FARS2: variants seen among roughly 807,000 people sequenced by gnomAD.
The protein encoded by FARS2 is phenylalanyl-tRNA synthetase 2, mitochondrial, also known as phenylalanine--tRNA ligase, mitochondrial.
FARS2 carries 40 observed loss-of-function variants against 46.4 expected under a neutral mutation model. The observed-to-expected ratio is 0.86, with a 90% CI of 0.67 to 1.12. FARS2 has a LOEUF of 1.12. FARS2 is among the 50% of genes most tolerant of loss of function. The probability of loss-of-function intolerance (pLI) is 0.00; values close to 1 mark genes in which losing one functional copy is unlikely to be tolerated. For synonymous variants in FARS2, 234 were observed against 214.9 expected (o/e 1.09, Z -0.78); for missense variants, 513 against 567.9 (o/e 0.90, Z 0.98).
At chr6:5,537,612 A>G (rs550510056) in intron 4 of FARS2, among the ~76,000 whole-genome samples, 6 of 151,446 alleles carry the variant, frequency 4.0e-5, no homozygotes, top group Non-Finnish European at 8.9e-5. Context: ...CGAGTTGGAG[A>G]TGTCCCGGGC....
At chr6:5,564,337 C>T (rs1298310944) in intron 5 of FARS2, among the ~76,000 whole-genome samples, 2 of 152,200 alleles carry the variant, frequency 1.3e-5, no homozygotes, top group East Asian at 3.9e-4. Flanking sequence ...GGGCACCTTA[C>T]TCACTTTCAT....
At chr6:5,504,613 C>T (rs1767999922) in intron 4 of FARS2, among the ~76,000 whole-genome samples, 1 of 152,000 alleles carries the variant, frequency 6.6e-6, no homozygotes, top group Admixed American at 6.6e-5. Flanking sequence ...AAGGAAGAGA[C>T]AAAAATTACT....
chr6:5,590,436 G>A (rs1238835635), intron 5 of FARS2, among the ~76,000 whole-genome samples: 1 of 152,222 alleles, frequency 6.6e-6, no homozygotes, highest in Non-Finnish European at 1.5e-5. Context: ...CACAGTTACT[G>A]AGGTCATAGC....
chr6:5,318,403 A>C (rs1486554726), intron 1 of FARS2, among the ~76,000 whole-genome samples: 1 of 150,936 alleles, frequency 6.6e-6, no homozygotes, highest in Admixed American at 6.6e-5. Context: ...AAAAAAAAAA[A>C]AAAACCCTAC....
At chr6:5,452,649 A>G (rs1220380286) in intron 4 of FARS2, 2 of 152,136 alleles carry the variant, frequency 1.3e-5, no homozygotes, top group East Asian at 1.9e-4. Context: ...TATTTATTGA[A>G]TGTTTGGATG....
intron 6 of FARS2, among the ~76,000 whole-genome samples, chr6:5,653,158 A>G (rs1394168351): frequency 6.6e-6 from 1 of 152,230 alleles, no homozygotes; most frequent in African/African-American, 2.4e-5. Flanking sequence ...AAGTGTTTAT[A>G]TATTGATAAA....
chr6:5,261,012 C>T (rs1271472106), upstream of FARS2: 6 of 1,053,340 alleles, frequency 5.7e-6, no homozygotes, highest in Non-Finnish European at 7.0e-6. Context: ...ATCCCGCCCC[C>T]GCCCGGAGGC....
chr6:5,755,543 T>C (rs991215521), intron 6 of FARS2, among the ~76,000 whole-genome samples: 7 of 152,260 alleles, frequency 4.6e-5, no homozygotes, highest in Admixed American at 6.5e-5. Flanking sequence ...GTGGTTCTTT[T>C]ATGTCTTTAA....
chr6:5,284,074 G>C (rs1168642467), intron 1 of FARS2, among the ~76,000 whole-genome samples: 1 of 152,160 alleles, frequency 6.6e-6, no homozygotes, highest in African/African-American at 2.4e-5. Flanking sequence ...CAAACAATTT[G>C]ATCTTTCCCA....
At chr6:5,740,024 C>T (rs1761232363) in intron 6 of FARS2, among the ~76,000 whole-genome samples, 1 of 152,194 alleles carries the variant, frequency 6.6e-6, no homozygotes, top group Non-Finnish European at 1.5e-5. Context: ...ACAGCAAAGC[C>T]AGGACTTAAA....
intron 6 of FARS2, among the ~76,000 whole-genome samples, chr6:5,718,611 A>G (rs1213480317): frequency 6.7e-6 from 1 of 150,080 alleles, no homozygotes; most frequent in South Asian, 2.1e-4. Context: ...ATGCAAGCTC[A>G]TTTTTTTTTT....
At chr6:5,270,818 T>C (rs1458247771) in intron 1 of FARS2, among the ~76,000 whole-genome samples, 1 of 152,210 alleles carries the variant, frequency 6.6e-6, no homozygotes, top group Non-Finnish European at 1.5e-5. Context: ...TTTCATTCTT[T>C]AGTACTCACC....
intron 6 of FARS2, among the ~76,000 whole-genome samples, chr6:5,664,028 C>T (rs1777983261): frequency 6.6e-6 from 1 of 152,234 alleles, no homozygotes; most frequent in Non-Finnish European, 1.5e-5. Flanking sequence ...CCTCCTCAGC[C>T]CCTCTGAACA....
chr6:5,626,760 A>G (rs1056971398), intron 6 of FARS2, among the ~76,000 whole-genome samples: 8 of 152,226 alleles, frequency 5.3e-5, no homozygotes, highest in Non-Finnish European at 1.0e-4. Flanking sequence ...TCTTTTGTGA[A>G]CATAACTATA....
chr6:5,668,455 C>G (rs1778259182), intron 6 of FARS2, among the ~76,000 whole-genome samples: 1 of 152,140 alleles, frequency 6.6e-6, no homozygotes, highest in African/African-American at 2.4e-5. Flanking sequence ...GTCCCCTGGT[C>G]AAATAGCCAG....
At chr6:5,265,606 G>C (rs1765499061) in intron 1 of FARS2, among the ~76,000 whole-genome samples, 2 of 152,198 alleles carry the variant, frequency 1.3e-5, no homozygotes, top group African/African-American at 4.8e-5. Context: ...GAGATAGCTG[G>C]CAGCCTAGCA....
chr6:5,611,263 G>A (rs1350496604), intron 5 of FARS2, among the ~76,000 whole-genome samples: 1 of 152,226 alleles, frequency 6.6e-6, no homozygotes, highest in Non-Finnish European at 1.5e-5. Context: ...GAGGTAGGGA[G>A]GGTGGGAAAT....
intron 1 of FARS2, among the ~76,000 whole-genome samples, chr6:5,297,102 T>C (rs892983933): frequency 6.6e-6 from 1 of 152,196 alleles, no homozygotes; most frequent in African/African-American, 2.4e-5. Flanking sequence ...CCTTCACTGT[T>C]ACAACAGCGG....
At chr6:5,312,672 C>T (rs1769165818) in intron 1 of FARS2, among the ~76,000 whole-genome samples, 1 of 152,146 alleles carries the variant, frequency 6.6e-6, no homozygotes, top group South Asian at 2.1e-4. Context: ...AAAGAAATGC[C>T]TCTCAGATTT....
Sources: allele counts gnomAD v4.1 joint callset (sites outside exome capture counted in the v4.1 genomes callset), GRCh38; gene constraint gnomAD v4.1.1; transcripts MANE v1.5; gene names NCBI Gene and HGNC (gene_info 2026-07-23, HGNC 2026-07-21).